NIPSNAP2: variants seen among roughly 807,000 people sequenced by gnomAD.
The protein encoded by NIPSNAP2 is protein NipSnap homolog 2.
A neutral mutation model predicts 48.4 loss-of-function variants in NIPSNAP2; 42 were observed. The observed-to-expected ratio is 0.87, with a 90% CI of 0.68 to 1.12. The LOEUF (loss-of-function observed/expected upper bound fraction) is 1.12. Among genes scored for constraint, NIPSNAP2 ranks in the 50% most tolerant of loss-of-function variants. The pLI, the probability that NIPSNAP2 is intolerant of heterozygous loss-of-function variation, is 0.00. For missense variants in NIPSNAP2, 314 were observed against 347.3 expected (o/e 0.90, Z 0.76); for synonymous variants, 158 against 126.6 (o/e 1.25, Z -1.67).
At chr7:55,970,819 GTC>G (rs1787002531) in intron 1 of NIPSNAP2, among the ~76,000 whole-genome samples, 1 of 152,050 alleles carries the variant, frequency 6.6e-6, no homozygotes, top group African/African-American at 2.4e-5. Flanking sequence ...TTCTCCACCT[GTC>G]TTGCTTGCCC....
chr7:55,983,342 G>T (rs1313561582), intron 5 of NIPSNAP2, among the ~76,000 whole-genome samples: 2 of 152,124 alleles, frequency 1.3e-5, no homozygotes, highest in African/African-American at 4.8e-5. Flanking sequence ...CATTAAGAAA[G>T]AAATTCTTTT....
chr7:55,966,838 G>A (rs1786904832), intron 1 of NIPSNAP2, among the ~76,000 whole-genome samples: 1 of 152,164 alleles, frequency 6.6e-6, no homozygotes, highest in Admixed American at 6.6e-5. Context: ...AGGCGAGAGT[G>A]TGGAGAGAGA....
At chr7:55,987,645 G>A (rs1787359557) in intron 7 of NIPSNAP2, among the ~76,000 whole-genome samples, 1 of 152,138 alleles carries the variant, frequency 6.6e-6, no homozygotes, top group Non-Finnish European at 1.5e-5. Flanking sequence ...AAAAAAGAAG[G>A]AAGTCTTGTC....
At chr7:55,983,949 G>C in intron 6 of NIPSNAP2, 81 bp downstream of exon 6, 1 of 1,276,862 alleles carries the variant, frequency 7.8e-7, no homozygotes, top group South Asian at 1.3e-5. Flanking sequence ...AACAGAACTT[G>C]TGTGTACATT....
Position 55,999,041 on chromosome 7 carries a change from T to C in NIPSNAP2, c.830T>C (p.Met277Thr). ...PLIQEMESRI[M>T]IPLKTSPLQ ...ATTCAGGAAATGGAATCCAGAATCA[T>C]GATCCCACTGAAGACCTCGCCCCTC... Residue 277 changes from methionine to threonine, a missense_variant, in exon 10 of 10, where the codon ATG (methionine) becomes ACG (threonine). Transcript: ENST00000322090. The C allele has an allele frequency of 6.2e-7, 1 of 1,614,076 alleles. No individual in the cohort carries two copies. The highest frequency in any genetic ancestry group is 8.5e-7 in the Non-Finnish European group (1 of 1,179,962).
At position 55,994,874 on chromosome 7, in the gene NIPSNAP2, A is replaced by G. The variant is rs753937447; in HGVS notation, c.618-20A>G. On this transcript the variant is annotated intron_variant, in intron 7 of 9. Transcript: ENST00000322090. ...GTATCTAATTCAGTGTCTTAAACAAACATCATCTCATTCTTACAGGGCTCG... is the reference window on the plus strand; with the variant it reads ...GTATCTAATTCAGTGTCTTAAACAAGCATCATCTCATTCTTACAGGGCTCG... The G allele has an allele frequency of 1.9e-6, 3 of 1,607,128 alleles. No homozygotes were observed. The African/African-American group carries it at 4.0e-5, about 21-fold the overall frequency.
chr7:55,982,851 G>A lies in NIPSNAP2; in HGVS notation c.444+571G>A, dbSNP rs929416741. 9.2e-5 allele frequency among the ~76,000 whole-genome samples: 14 copies of A among 151,520 alleles called. No homozygotes were observed. The East Asian group carries it at 9.7e-4, about 10-fold the overall frequency. The stretch of plus-strand genomic sequence containing the variant: ...TGAAACCGGTGACTGGGCTGGGTGC[G>A]GTAACTCATGCTTGTAATCCCAGCA... On this transcript the variant is annotated intron_variant, in intron 5 of 9. Coordinates refer to ENST00000322090, the MANE Select transcript of NIPSNAP2 (RefSeq NM_001483.3).
intron 1 of NIPSNAP2, among the ~76,000 whole-genome samples, chr7:55,975,216 G>A (rs750987761): frequency 7.9e-5 from 12 of 152,114 alleles, no homozygotes; most frequent in African/African-American, 2.2e-4. Flanking sequence ...AACCAGGCAT[G>A]GTGGTGTGCA....
chr7:55,968,183 C>T (rs940323531), intron 1 of NIPSNAP2, among the ~76,000 whole-genome samples: 1 of 152,096 alleles, frequency 6.6e-6, no homozygotes, highest in South Asian at 2.1e-4. Flanking sequence ...TCCCTGTCTG[C>T]CCCCATTCCC....
Position 55,986,993 on chromosome 7 carries a change from A to AAAC in NIPSNAP2, c.617+2117_617+2118insCAA, listed in dbSNP as rs1562766876. On this transcript the variant is annotated intron_variant, in intron 7 of 9. Coordinates refer to ENST00000322090, the MANE Select transcript of NIPSNAP2 (RefSeq NM_001483.3). ...GAAACCCTGTCTCTATAAAAAAAAA[A>AAAC]AAAAAAAAAAAAAAAAACTTGCCAG... Among the ~76,000 whole-genome samples the AAAC allele has an allele frequency of 3.4e-5, 5 of 148,584 alleles. No individual in the cohort carries two copies. In the East Asian group the frequency reaches 1.0e-3, roughly 30 times the overall value.
chr7:55,998,330 G>C (rs1787607694), intron 9 of NIPSNAP2, among the ~76,000 whole-genome samples: 1 of 151,648 alleles, frequency 6.6e-6, no homozygotes, highest in Non-Finnish European at 1.5e-5. Context: ...GTGTTACCTT[G>C]TCTTTCAGTT....
At chr7:55,986,548 G>C (rs1787332712) in intron 7 of NIPSNAP2, among the ~76,000 whole-genome samples, 1 of 151,990 alleles carries the variant, frequency 6.6e-6, no homozygotes, top group African/African-American at 2.4e-5. Context: ...TGTAGTTCCA[G>C]CTACTCAGGA....
chr7:55,984,557 A>G (rs982966741), intron 6 of NIPSNAP2, among the ~76,000 whole-genome samples: 4 of 152,014 alleles, frequency 2.6e-5, no homozygotes, highest in Non-Finnish European at 5.9e-5. Context: ...TCTCTTACTA[A>G]AAATATAAAA....
At chr7:55,979,807 T>C (rs1194009611) in intron 3 of NIPSNAP2, 1 of 456,732 alleles carries the variant, frequency 2.2e-6, no homozygotes, top group Non-Finnish European at 4.4e-6. Flanking sequence ...GCCTGGTTTT[T>C]AGGGGTCCCA....
At chr7:55,970,153 A>G (rs1030837726) in intron 1 of NIPSNAP2, among the ~76,000 whole-genome samples, 1 of 151,560 alleles carries the variant, frequency 6.6e-6, no homozygotes, top group Non-Finnish European at 1.5e-5. Flanking sequence ...CCCCACTGCC[A>G]TCTTAACCCC....
At chr7:55,972,202 A>C (rs1226354218) in intron 1 of NIPSNAP2, among the ~76,000 whole-genome samples, 1 of 151,786 alleles carries the variant, frequency 6.6e-6, no homozygotes, top group Non-Finnish European at 1.5e-5. Context: ...ACTGCTTAGG[A>C]GGCTGAGGCA....
At chr7:55,986,983 TAAAAA>T (rs71561981) in intron 7 of NIPSNAP2, among the ~76,000 whole-genome samples, 1 of 54,802 alleles carries the variant, frequency 1.8e-5, no homozygotes, top group Admixed American at 2.4e-4. Context: ...CCTGTCTCTA[TAAAAA>T]AAAAAAAAAA....
chr7:55,995,443 C>T (rs1787542600), intron 8 of NIPSNAP2, among the ~76,000 whole-genome samples: 1 of 152,204 alleles, frequency 6.6e-6, no homozygotes, highest in African/African-American at 2.4e-5. Context: ...TCCATCCCCA[C>T]ACACTTTTGT....
chr7:55,989,970 T>C (rs77372839), intron 7 of NIPSNAP2, among the ~76,000 whole-genome samples: 1 of 145,708 alleles, frequency 6.9e-6, no homozygotes, highest in South Asian at 2.2e-4. Context: ...AAAAAAAAAT[T>C]AGCTGGGTGT....
Sources: gnomAD v4.1 joint callset for allele counts (sites outside exome capture counted in the v4.1 genomes callset) on GRCh38, gnomAD v4.1.1 for gene constraint, MANE v1.5 for transcripts, NCBI Gene and HGNC (gene_info 2026-07-23, HGNC 2026-07-21) for gene names.